RAPGEF4: variants seen among roughly 807,000 people sequenced by gnomAD.
The protein encoded by RAPGEF4 is Rap guanine nucleotide exchange factor 4.
Under a neutral mutation model 147.9 loss-of-function variants are expected in RAPGEF4, and 66 were observed. The ratio of observed to expected loss-of-function variants is 0.45; its 90% confidence interval spans 0.37 to 0.55. The LOEUF (loss-of-function observed/expected upper bound fraction) is 0.55, where lower values mean the gene tolerates loss of function less well. Ranked by LOEUF, RAPGEF4 falls within the 20% of genes least tolerant of loss-of-function variation. The pLI, the probability that RAPGEF4 is intolerant of heterozygous loss-of-function variation, is 0.00. For synonymous variants in RAPGEF4, 419 were observed against 442.7 expected, an observed-to-expected ratio of 0.95 and a Z score of 0.67; for missense variants, 1,071 against 1,257.3, an observed-to-expected ratio of 0.85 and a Z score of 2.24.
chr2:173,005,963 A>G (rs549255674), intron 17 of RAPGEF4, among the ~76,000 whole-genome samples: 16 of 36,210 alleles, frequency 4.4e-4, no homozygotes, highest in South Asian at 1.7e-3. Flanking sequence ...GCCAACATTC[A>G]TGCCTTATTA....
rs780560939 is a variant in RAPGEF4, at chr2:172,922,305, G to A, written c.537+5G>A. ...GGGATTCCTGACAAGGAGAACGTGA[G>A]TAGCTACTCTCTCTGCCTATCTTCT... is the stretch of plus-strand genomic sequence containing the variant. On this transcript the variant is annotated splice_donor_5th_base_variant and intron_variant, in intron 6 of 30. Transcript: ENST00000397081. The A allele has an allele frequency of 1.9e-6, 3 of 1,604,848 alleles. 1 individual carries two copies. The highest frequency in any genetic ancestry group is 2.2e-5 in the South Asian group (2 of 90,894).
chr2:172,785,365 T>C (rs1230566823), intron 1 of RAPGEF4, among the ~76,000 whole-genome samples: 1 of 152,182 alleles, frequency 6.6e-6, no homozygotes, highest in Non-Finnish European at 1.5e-5. Context: ...ACTTATTGCT[T>C]TCTTGAGATA....
intron 9 of RAPGEF4, among the ~76,000 whole-genome samples, chr2:172,966,957 T>C (rs755319849): frequency 6.6e-6 from 1 of 152,104 alleles, no homozygotes; most frequent in Non-Finnish European, 1.5e-5. Flanking sequence ...TCCTAGAAAA[T>C]ATCAGGAAGA....
At chr2:172,921,573 T>A (rs1292159341) in intron 5 of RAPGEF4, among the ~76,000 whole-genome samples, 1 of 152,228 alleles carries the variant, frequency 6.6e-6, no homozygotes, top group Non-Finnish European at 1.5e-5. Flanking sequence ...CTGTCTCCTC[T>A]GTATAAGGTC....
intron 1 of RAPGEF4, among the ~76,000 whole-genome samples, chr2:172,757,085 T>C (rs552645531): frequency 2.7e-4 from 41 of 152,382 alleles, no homozygotes; most frequent in African/African-American, 8.4e-4. Flanking sequence ...GATTGGAATG[T>C]GCTCTGTTTT....
intron 4 of RAPGEF4, among the ~76,000 whole-genome samples, chr2:172,831,685 T>C (rs1690374567): frequency 6.6e-6 from 1 of 152,212 alleles, no homozygotes. Flanking sequence ...GTTAATAATA[T>C]TAAAAGCAAA....
Position 172,797,561 on chromosome 2 carries a change from C to T in RAPGEF4, c.245C>T (p.Ala82Val). Reference sequence around the variant, plus strand: ...GGTGATATTGGAACAAACTGGTATGCTGTCCTGGCAGGGTCTTTGGATGTT... The same window carrying T: ...GGTGATATTGGAACAAACTGGTATGTTGTCCTGGCAGGGTCTTTGGATGTT... The part of the protein sequence containing the change: ...RQGDIGTNWY[A>V]VLAGSLDVKV... The change falls in exon 3 of 31, where the codon GCT becomes GTT. Residue 82 changes from alanine to valine, a missense_variant. Physicochemically the swap from Ala to Val is moderately conservative, Grantham distance 64. Transcript: ENST00000397081. 6.2e-7 allele frequency: 1 copy of T among 1,613,658 alleles called. No individual in the cohort carries two copies. Among genetic ancestry groups the T allele is most frequent in the Non-Finnish European group, 8.5e-7 (1 of 1,179,828 alleles).
chr2:172,787,599 C>CTTTCTTTATTTATTTA (rs1553509672), intron 1 of RAPGEF4, among the ~76,000 whole-genome samples: 1 of 145,384 alleles, frequency 6.9e-6, no homozygotes, highest in Non-Finnish European at 1.5e-5. Context: ...AAACAAAGTG[C>CTTTCTTTATTTATTTA]TTTATTTATT....
intron 1 of RAPGEF4, among the ~76,000 whole-genome samples, chr2:172,760,798 G>A (rs541466863): frequency 1.3e-5 from 2 of 151,450 alleles, no homozygotes; most frequent in East Asian, 3.9e-4. Flanking sequence ...CTTGAAGATC[G>A]AACAATATAA....
chr2:172,823,352 G>T (rs930218956), intron 4 of RAPGEF4, among the ~76,000 whole-genome samples: 8 of 152,206 alleles, frequency 5.3e-5, no homozygotes, highest in Non-Finnish European at 8.8e-5. Context: ...GGCAGGCATG[G>T]TGAGAACTCA....
At position 172,908,448 on chromosome 2, in the gene RAPGEF4, G is replaced by A. The variant is rs552455990; in HGVS notation, c.445-9354G>A. Among the ~76,000 whole-genome samples the A allele has an allele frequency of 4.6e-5, 7 of 152,250 alleles. No individual in the cohort carries two copies. The South Asian group carries it at 8.3e-4, about 18-fold the overall frequency. ...CCAGTTTTTGTTGACAAACCTTTCC[G>A]TTAAGGTGAAAACTGTCACTTGGCC... On this transcript the variant is annotated intron_variant, in intron 4 of 30. Transcript: ENST00000397081.
At chr2:172,953,418 A>G (rs1047506925) in intron 6 of RAPGEF4, among the ~76,000 whole-genome samples, 1 of 148,764 alleles carries the variant, frequency 6.7e-6, no homozygotes, top group African/African-American at 2.4e-5. Flanking sequence ...TAACTGTTAT[A>G]TATTTATATA....
At chr2:172,982,227 A>C (rs190153336) in intron 10 of RAPGEF4, among the ~76,000 whole-genome samples, 17 of 152,370 alleles carry the variant, frequency 1.1e-4, no homozygotes, top group African/African-American at 3.4e-4. Flanking sequence ...TCATGATGGT[A>C]CATCATCAGT....
intron 1 of RAPGEF4, among the ~76,000 whole-genome samples, chr2:172,747,342 G>T (rs1179369708): frequency 6.6e-6 from 1 of 152,136 alleles, no homozygotes; most frequent in Non-Finnish European, 1.5e-5. Context: ...TACCTAGTAT[G>T]TGTGTGTGGT....
At chr2:173,034,211 G>A (rs1683609594) in intron 27 of RAPGEF4, among the ~76,000 whole-genome samples, 1 of 152,192 alleles carries the variant, frequency 6.6e-6, no homozygotes, top group Non-Finnish European at 1.5e-5. Flanking sequence ...CAGTGTAATA[G>A]CGTCCTCTCC....
intron 16 of RAPGEF4, among the ~76,000 whole-genome samples, chr2:172,998,805 T>A (rs1326640330): frequency 6.6e-6 from 1 of 152,142 alleles, no homozygotes; most frequent in South Asian, 2.1e-4. Context: ...TTGCCCAGAA[T>A]GTGTGATTGC....
chr2:172,870,631 G>T (rs753824398), intron 4 of RAPGEF4, among the ~76,000 whole-genome samples: 1 of 152,086 alleles, frequency 6.6e-6, no homozygotes, highest in South Asian at 2.1e-4. Context: ...ATTATAGGTG[G>T]TAATGGCTTC....
chr2:173,014,982 CA>C (rs916569551), intron 18 of RAPGEF4, among the ~76,000 whole-genome samples: 1 of 152,028 alleles, frequency 6.6e-6, no homozygotes, highest in African/African-American at 2.4e-5. Flanking sequence ...CTGAAGTAAT[CA>C]AAAAAATATC....
At chr2:172,973,798 T>C (rs577878310) in intron 10 of RAPGEF4, among the ~76,000 whole-genome samples, 1 of 152,166 alleles carries the variant, frequency 6.6e-6, no homozygotes, top group Admixed American at 6.5e-5. Flanking sequence ...GATACTGAGT[T>C]TTATGAGATT....
Sources: allele counts gnomAD v4.1 joint callset (sites outside exome capture counted in the v4.1 genomes callset), GRCh38; gene constraint gnomAD v4.1.1; transcripts MANE v1.5; gene names NCBI Gene and HGNC (gene_info 2026-07-23, HGNC 2026-07-21).